The following SPINT4 variants were observed in gnomAD, a reference collection of about 807,000 sequenced individuals.
The protein encoded by SPINT4 is serine peptidase inhibitor, Kunitz type 4.
SPINT4 carries 7 observed loss-of-function variants against 9.4 expected under a neutral mutation model. That is an observed-to-expected ratio of 0.74 (90% confidence interval 0.42 to 1.40). The LOEUF (loss-of-function observed/expected upper bound fraction) is 1.40. SPINT4 is among the 40% of genes most tolerant of loss of function. SPINT4 has a pLI of 0.01. For synonymous variants in SPINT4, 36 were observed against 39.9 expected, an observed-to-expected ratio of 0.90 and a Z score of 0.37; for missense variants, 105 against 114.4, an observed-to-expected ratio of 0.92 and a Z score of 0.37.
chr20:45,722,653 G>A (rs541257333), intron 1 of SPINT4, among the ~76,000 whole-genome samples, 171 bp downstream of exon 1: 2 of 152,118 alleles, frequency 1.3e-5, no homozygotes, highest in African/African-American at 4.8e-5. Context: ...GGGTCCTCTG[G>A]ATGTTTGATG....
At chr20:45,724,641 A>G (rs1445052939) in intron 2 of SPINT4, among the ~76,000 whole-genome samples, 4 of 151,720 alleles carry the variant, frequency 2.6e-5, no homozygotes, top group African/African-American at 9.7e-5. Context: ...ACTGTGTGTC[A>G]GGCACTGCAC....
At chr20:45,723,210 G>C (rs1338654705) in intron 1 of SPINT4, among the ~76,000 whole-genome samples, 2 of 152,074 alleles carry the variant, frequency 1.3e-5, no homozygotes, top group Non-Finnish European at 2.9e-5. Flanking sequence ...TTCCAGGCTG[G>C]CTGCTTGAGT....
At chr20:45,724,139 A>G in intron 2 of SPINT4, 82 bp downstream of exon 2, 1 of 1,411,558 alleles carries the variant, frequency 7.1e-7, no homozygotes. Flanking sequence ...AAAATTGATC[A>G]GGGGCTAACC....
At position 45,723,904 on chromosome 20, in the gene SPINT4, T is replaced by C. The variant is rs1984861597; in HGVS notation, c.140T>C (p.Phe47Ser). ...LKDPCKLDMNFGSCYEVHFRY... is the reference protein window; with the variant it reads ...LKDPCKLDMNSGSCYEVHFRY... Reference sequence around the variant, plus strand: ...GATCCCTGCAAATTGGACATGAATTTTGGAAGCTGCTATGAAGTTCACTTT... The same window carrying C: ...GATCCCTGCAAATTGGACATGAATTCTGGAAGCTGCTATGAAGTTCACTTT... Residue 47 changes from phenylalanine to serine, a missense_variant, in exon 2 of 3, where the codon TTT becomes TCT. Phe to Ser is a radical substitution (Grantham distance 155). Coordinates refer to ENST00000279058, the MANE Select transcript of SPINT4 (RefSeq NM_178455.3). The C allele has an allele frequency of 1.3e-6, 2 of 1,591,926 alleles. No homozygotes were observed. Among genetic ancestry groups the C allele is most frequent in the Non-Finnish European group, 1.7e-6 (2 of 1,174,022 alleles).
At chr20:45,724,945 A>C (rs1271012549) in intron 2 of SPINT4, among the ~76,000 whole-genome samples, 5 of 113,210 alleles carry the variant, frequency 4.4e-5, no homozygotes, top group Non-Finnish European at 7.0e-5. Flanking sequence ...ATGCCACTGC[A>C]CTCCAGCCTG....
At chr20:45,724,386 G>A (rs1193965322) in intron 2 of SPINT4, among the ~76,000 whole-genome samples, 1 of 151,642 alleles carries the variant, frequency 6.6e-6, no homozygotes, top group East Asian at 1.9e-4. Context: ...TACTCGGGAG[G>A]CTGAGGCAGG....
chr20:45,724,705 G>A (rs944634088), intron 2 of SPINT4, among the ~76,000 whole-genome samples: 1 of 150,880 alleles, frequency 6.6e-6, no homozygotes, highest in Non-Finnish European at 1.5e-5. Context: ...GTAGGGCCAG[G>A]CGTGGTGGCT....
chr20:45,724,979 C>CAAAA (rs1168670011), intron 2 of SPINT4, among the ~76,000 whole-genome samples: 778 of 27,148 alleles, frequency 0.029, 269 homozygotes, highest in African/African-American at 0.18. Flanking sequence ...GACTCCATCT[C>CAAAA]AAAAAAAAAA....
At chr20:45,724,995 A>AAATAT (rs1387842262) in intron 2 of SPINT4, among the ~76,000 whole-genome samples, 27 of 36,426 alleles carry the variant, frequency 7.4e-4, no homozygotes, top group Non-Finnish European at 1.1e-3. Context: ...AAAAAAAAAA[A>AAATAT]ATATATATAT....
intron 1 of SPINT4, 33 bp from the exon 2 acceptor site, chr20:45,723,847 T>C (rs1984859535): frequency 6.5e-7 from 1 of 1,530,376 alleles, no homozygotes; most frequent in Non-Finnish European, 8.7e-7. Flanking sequence ...TCCTTACCAA[T>C]TCCCACTAAC....
At chr20:45,724,686 T>G (rs1048086386) in intron 2 of SPINT4, among the ~76,000 whole-genome samples, 3 of 151,002 alleles carry the variant, frequency 2.0e-5, no homozygotes, top group Non-Finnish European at 3.0e-5. Flanking sequence ...AATTTAAAAT[T>G]ATATCAAGGT....
intron 2 of SPINT4, among the ~76,000 whole-genome samples, 196 bp downstream of exon 2, chr20:45,724,253 C>G (rs1024117659): frequency 6.6e-6 from 1 of 151,940 alleles, no homozygotes; most frequent in African/African-American, 2.4e-5. Flanking sequence ...CTTTGGGAGG[C>G]TGAGGTGGGT....
chr20:45,724,995 A>AAAAAAAAAATAT (rs1387842262), intron 2 of SPINT4, among the ~76,000 whole-genome samples: 1 of 36,422 alleles, frequency 2.7e-5, no homozygotes, highest in African/African-American at 1.9e-4. Context: ...AAAAAAAAAA[A>AAAAAAAAAATAT]ATATATATAT....
chr20:45,724,584 A>C (rs1274285242), intron 2 of SPINT4, among the ~76,000 whole-genome samples: 1 of 151,602 alleles, frequency 6.6e-6, no homozygotes, highest in Non-Finnish European at 1.5e-5. Flanking sequence ...CAGTTAGGAA[A>C]TCAAATGCCC....
intron 2 of SPINT4, among the ~76,000 whole-genome samples, chr20:45,724,616 A>G (rs1763618533): frequency 6.6e-6 from 1 of 151,604 alleles, no homozygotes; most frequent in African/African-American, 2.4e-5. Flanking sequence ...AATAGCCACC[A>G]TCTATTGGAC....
At chr20:45,724,986 A>AT in intron 2 of SPINT4, among the ~76,000 whole-genome samples, 1 of 107,530 alleles carries the variant, frequency 9.3e-6, no homozygotes, top group African/African-American at 4.3e-5. Context: ...TCTCAAAAAA[A>AT]AAAAAAAAAA....
chr20:45,724,718 C>T lies in SPINT4; in HGVS notation c.293+661C>T, dbSNP rs577706141. Among the ~76,000 whole-genome samples the T allele has an allele frequency of 2.1e-4, 32 of 150,424 alleles. No individual in the cohort carries two copies. The South Asian group carries it at 4.0e-3, about 19-fold the overall frequency. ...AGGTAGGGCCAGGCGTGGTGGCTCA[C>T]GCCTGTAATCCCAGTACTTTGAGAG... On this transcript the variant is annotated intron_variant, in intron 2 of 2. Coordinates refer to ENST00000279058, the MANE Select transcript of SPINT4 (RefSeq NM_178455.3).
intron 1 of SPINT4, 28 bp from the exon 2 acceptor site, chr20:45,723,852 A>G: frequency 1.3e-6 from 2 of 1,537,066 alleles, no homozygotes; most frequent in South Asian, 2.6e-5. Context: ...ACCAATTCCC[A>G]CTAACTCAAT....
chr20:45,723,971 T>A lies in SPINT4; in HGVS notation c.207T>A (p.Phe69Leu), dbSNP rs1370850403. The A allele has an allele frequency of 2.5e-6, 4 of 1,610,490 alleles. No homozygotes were observed. The highest frequency in any genetic ancestry group is 1.3e-5 in the African/African-American group (1 of 74,486). ...GAACCTCCAAAAGATGTGAAACTTT[T>A]GTCTTCTCCGGCTGTAATGGCAACC... ...YNRTSKRCET[F>L]VFSGCNGNLN... is the part of the protein sequence containing the mutation. The change falls in exon 2 of 3, where the codon TTT becomes TTA. Residue 69 changes from phenylalanine (F) to leucine (L), a missense_variant. By Grantham distance (22) the Phe-to-Leu change is conservative. Coordinates refer to ENST00000279058, the MANE Select transcript of SPINT4 (RefSeq NM_178455.3).
Sources: allele counts gnomAD v4.1 joint callset (sites outside exome capture counted in the v4.1 genomes callset), GRCh38; gene constraint gnomAD v4.1.1; transcripts MANE v1.5; gene names NCBI Gene and HGNC (gene_info 2026-07-23, HGNC 2026-07-21).